PAICS: variants seen among roughly 807,000 people sequenced by gnomAD.
The protein encoded by PAICS is phosphoribosylaminoimidazole carboxylase and phosphoribosylaminoimidazolesuccinocarboxamide synthase.
In PAICS, 33 loss-of-function variants were observed where a neutral mutation model predicts 53.7. That is an observed-to-expected ratio of 0.61 (90% confidence interval 0.47 to 0.82). The LOEUF (loss-of-function observed/expected upper bound fraction) is 0.82, where lower values mean the gene tolerates loss of function less well. PAICS is among the 40% of genes least tolerant of loss of function. PAICS has a pLI of 0.00. For missense variants in PAICS, 394 were observed against 494.1 expected, an observed-to-expected ratio of 0.80 and a Z score of 1.92; for synonymous variants, 141 against 167.2, an observed-to-expected ratio of 0.84 and a Z score of 1.21.
intron 6 of PAICS, 85 bp from the exon 7 acceptor site, chr4:56,451,787 C>T: frequency 2.8e-6 from 2 of 724,352 alleles, no homozygotes; most frequent in Non-Finnish European, 2.1e-6. Context: ...AATATTGGGC[C>T]CAGATATAAT....
chr4:56,436,666 C>T (rs1717991720), intron 1 of PAICS: 1 of 571,524 alleles, frequency 1.7e-6, no homozygotes, highest in Non-Finnish European at 3.3e-6. Context: ...GGTTAATGAC[C>T]TTTCTAAGAA....
intron 5 of PAICS, 72 bp downstream of exon 5, chr4:56,448,895 G>A: frequency 1.3e-6 from 1 of 777,644 alleles, no homozygotes; most frequent in African/African-American, 1.7e-5. Context: ...AGAGATGAGG[G>A]GAAAAAGCAA....
chr4:56,456,121 G>A (rs747839909), intron 8 of PAICS, among the ~76,000 whole-genome samples: 5 of 151,816 alleles, frequency 3.3e-5, no homozygotes, highest in Non-Finnish European at 7.4e-5. Flanking sequence ...AGACGGAGTC[G>A]GGCTCTCTTG....
chr4:56,439,864 A>G (rs559253791), intron 1 of PAICS, among the ~76,000 whole-genome samples: 75 of 152,180 alleles, frequency 4.9e-4, no homozygotes, highest in African/African-American at 1.7e-3. Context: ...AGCTAAAGCA[A>G]TCTGCCCTCC....
the PAICS span, among the ~76,000 whole-genome samples, chr4:56,426,210 G>A: frequency 6.6e-6 from 1 of 152,072 alleles, no homozygotes; most frequent in African/African-American, 2.4e-5. Context: ...AGACCATCCT[G>A]GCCAACATGG....
chr4:56,448,446 C>G lies in PAICS; in HGVS notation c.422C>G (p.Ser141Cys), dbSNP rs138933625. ...KDDANNDPQWSEEQLIAAKFC... is the reference protein window; with the variant it reads ...KDDANNDPQWCEEQLIAAKFC... Reference sequence around the variant, plus strand: ...GATGCCAATAATGACCCACAGTGGTCTGAGGAACAGCTGATTGCTGCAAAA... The same window carrying G: ...GATGCCAATAATGACCCACAGTGGTGTGAGGAACAGCTGATTGCTGCAAAA... Residue 141 changes from serine (S) to cysteine (C), a missense_variant, in exon 4 of 9, where the codon TCT (serine) becomes TGT (cysteine). By Grantham distance (112) the Ser-to-Cys change is moderately radical. Around this residue, in one of 3 missense-constraint regions of PAICS, gnomAD observed 168 missense variants for 199.3 expected, o/e 0.84. Coordinates refer to ENST00000512576, the MANE Select transcript of PAICS (RefSeq NM_001079524.2). The G allele has an allele frequency of 0.047, 75,686 of 1,607,108 alleles. 2,112 individuals carry two copies. The highest frequency in any genetic ancestry group is 0.055 in the Non-Finnish European group (64,281 of 1,175,098).
the PAICS span, among the ~76,000 whole-genome samples, chr4:56,411,546 A>G: frequency 1.3e-5 from 2 of 152,218 alleles, no homozygotes; most frequent in Non-Finnish European, 2.9e-5. Flanking sequence ...CTATTTACAT[A>G]GAATCTACTC....
At chr4:56,423,668 T>G in the PAICS span, among the ~76,000 whole-genome samples, 4 of 151,966 alleles carry the variant, frequency 2.6e-5, no homozygotes, top group Non-Finnish European at 5.9e-5. Flanking sequence ...AGTTTTTTTT[T>G]TTGTTTGGCA....
chr4:56,454,309 G>C (rs1719080260), intron 8 of PAICS, among the ~76,000 whole-genome samples: 1 of 152,176 alleles, frequency 6.6e-6, no homozygotes, highest in South Asian at 2.1e-4. Flanking sequence ...GAGTTAGAAT[G>C]AATTGTGGTG....
At chr4:56,417,887 C>A in the PAICS span, among the ~76,000 whole-genome samples, 1 of 144,432 alleles carries the variant, frequency 6.9e-6, no homozygotes, top group South Asian at 2.1e-4. Flanking sequence ...TGTTGCCAGG[C>A]TAGAGTGCAG....
chr4:56,460,401 T>G lies in PAICS; in HGVS notation c.*863T>G, dbSNP rs899036244. ...GTTGGTGTTAATTTCTGATTAACCC[T>G]TGAATTTACCGTCTTCTCATCCTCT... On this transcript the variant is annotated 3_prime_UTR_variant, in exon 9 of 9. Coordinates refer to ENST00000512576, the MANE Select transcript of PAICS (RefSeq NM_001079524.2). The G allele has an allele frequency of 6.6e-6, 1 of 152,224 alleles. No homozygotes were observed. Among genetic ancestry groups the G allele is most frequent in the Non-Finnish European group, 1.5e-5 (1 of 68,046 alleles). 9.4% of individuals were successfully genotyped at this position (152,224 alleles called of 1,614,324 possible).
the PAICS span, among the ~76,000 whole-genome samples, chr4:56,412,360 G>A: frequency 6.7e-6 from 1 of 149,808 alleles, no homozygotes; most frequent in East Asian, 2.0e-4. Flanking sequence ...CCAAGCTGAA[G>A]TGCAGTGGTG....
At chr4:56,413,298 C>T in the PAICS span, among the ~76,000 whole-genome samples, 8 of 151,998 alleles carry the variant, frequency 5.3e-5, no homozygotes, top group East Asian at 1.9e-4. Context: ...GGATTAGAGG[C>T]GCAACGCCAC....
intron 8 of PAICS, among the ~76,000 whole-genome samples, chr4:56,454,110 A>G (rs73157769): frequency 0.031 from 4,730 of 152,310 alleles, 168 homozygotes; most frequent in East Asian, 0.19. Context: ...AAGTTGACCA[A>G]CAAGGAGACA....
At chr4:56,449,617 A>G (rs1012280657) in intron 5 of PAICS, among the ~76,000 whole-genome samples, 1 of 152,120 alleles carries the variant, frequency 6.6e-6, no homozygotes, top group African/African-American at 2.4e-5. Context: ...CCAAATGCCC[A>G]TCAGTGTTAG....
rs370970867 is a variant in PAICS, at chr4:56,441,744, T to G, written c.98T>G (p.Leu33Arg). ...ELLDSPGKVL[L>R]QSKDQITAGN... ...TTAGACAGTCCAGGAAAAGTCCTCC[T>G]GCAGTCCAAGGACCAGATTACAGCA... The change falls in exon 2 of 9, where the codon CTG becomes CGG. Residue 33 changes from leucine (L) to arginine (R), a missense_variant. Physicochemically the swap from Leu to Arg is moderately radical, Grantham distance 102. Coordinates refer to ENST00000512576, the MANE Select transcript of PAICS (RefSeq NM_001079524.2). The G allele has an allele frequency of 6.2e-7, 1 of 1,605,442 alleles. No homozygotes were observed. The highest frequency in any genetic ancestry group is 1.3e-5 in the African/African-American group (1 of 74,778).
At chr4:56,436,071 G>A, upstream of PAICS, 1 of 1,491,920 alleles carries the variant, frequency 6.7e-7, no homozygotes, top group Non-Finnish European at 8.9e-7. Context: ...CCGGAGGCGG[G>A]GTCGCGTCTC....
At chr4:56,417,841 T>C in the PAICS span, among the ~76,000 whole-genome samples, 1 of 96,416 alleles carries the variant, frequency 1.0e-5, no homozygotes, top group Non-Finnish European at 2.1e-5. Flanking sequence ...TTTGGTTTTT[T>C]GTTTTTTTTT....
At chr4:56,448,901 A>G in intron 5 of PAICS, 78 bp downstream of exon 5, 3 of 753,504 alleles carry the variant, frequency 4.0e-6, no homozygotes. Flanking sequence ...GAGGGGAAAA[A>G]GCAAATTATT....
Sources: allele counts gnomAD v4.1 joint callset (sites outside exome capture counted in the v4.1 genomes callset), GRCh38; gene constraint gnomAD v4.1.1; regional missense constraint gnomAD v4.1.1; transcripts MANE v1.5; gene names NCBI Gene and HGNC (gene_info 2026-07-23, HGNC 2026-07-21).